LRRFIP1: variants seen among roughly 807,000 people sequenced by gnomAD.
LRRFIP1 encodes the protein leucine-rich repeat flightless-interacting protein 1.
A neutral mutation model predicts 104.4 loss-of-function variants in LRRFIP1; 62 were observed. The ratio of observed to expected loss-of-function variants is 0.59; its 90% CI spans 0.48 to 0.73. LRRFIP1 has a LOEUF of 0.73. LRRFIP1 is among the 30% of genes least tolerant of loss of function. The probability of loss-of-function intolerance (pLI) is 0.00; values close to 1 mark genes in which losing one functional copy is unlikely to be tolerated. For synonymous variants in LRRFIP1, 300 were observed against 299.0 expected (o/e 1.00, Z -0.03); for missense variants, 796 against 824.5 (o/e 0.97, Z 0.42).
chr2:237,690,982 C>T (rs1454978258), intron 1 of LRRFIP1, among the ~76,000 whole-genome samples: 8 of 151,850 alleles, frequency 5.3e-5, no homozygotes, highest in African/African-American at 1.9e-4. Context: ...CCTCCCAAGT[C>T]GTCCTTCGGC....
chr2:237,678,518 T>G (rs562417737), intron 1 of LRRFIP1, among the ~76,000 whole-genome samples: 1 of 152,098 alleles, frequency 6.6e-6, no homozygotes, highest in African/African-American at 2.4e-5. Context: ...TTTTTTTTCT[T>G]TTTTTGAGAC....
chr2:237,692,180 G>C lies in LRRFIP1; in HGVS notation c.97-16364G>C. The C allele has an allele frequency of 1.9e-6, 2 of 1,031,806 alleles. 1 individual carries two copies. Among genetic ancestry groups the C allele is most frequent in the South Asian group, 9.2e-5 (2 of 21,682 alleles). 63.9% of individuals were successfully genotyped at this position (1,031,806 alleles called of 1,614,324 possible). The stretch of plus-strand genomic sequence containing the variant: ...CGGGGCGGGCCGTGGGACGGGCGGA[G>C]GCGCCCGAGTCCCGCTTCCCCGGCG... On this transcript the variant is annotated intron_variant, in intron 1 of 23. Coordinates refer to ENST00000308482, the MANE Select transcript of LRRFIP1 (RefSeq NM_001137550.2).
intron 1 of LRRFIP1, among the ~76,000 whole-genome samples, chr2:237,663,355 G>A (rs2088440264): frequency 6.6e-6 from 1 of 152,208 alleles, no homozygotes; most frequent in South Asian, 2.1e-4. Flanking sequence ...GGAGGTGGGA[G>A]CTTTTAGGAG....
chr2:237,781,105 G>A lies in LRRFIP1; in HGVS notation c.*1573G>A, dbSNP rs886877681. Among the ~76,000 whole-genome samples, 3 of 152,140 alleles carry A rather than the reference G, an allele frequency of 2.0e-5. No homozygotes were observed. The highest frequency in any genetic ancestry group is 6.5e-5 in the Admixed American group (1 of 15,284). ...CTGTGCTGACCATGCTGGGCCCACC[G>A]GCAAAAGGGAGATATTCAGTTCCTT... On this transcript the variant is annotated 3_prime_UTR_variant, in exon 24 of 24. Transcript: ENST00000308482.
At chr2:237,773,450 A>G (rs1367770835) in intron 22 of LRRFIP1, among the ~76,000 whole-genome samples, 2 of 152,176 alleles carry the variant, frequency 1.3e-5, no homozygotes, top group African/African-American at 4.8e-5. Context: ...AAGCAGGAGA[A>G]TCGCTTGAAC....
intron 8 of LRRFIP1, 107 bp from the exon 9 acceptor site, chr2:237,733,667 A>G (rs2095113854): frequency 1.8e-6 from 2 of 1,091,184 alleles, no homozygotes; most frequent in African/African-American, 3.1e-5. Context: ...ACCACTGTAC[A>G]GCAGTTGGCT....
intron 1 of LRRFIP1, among the ~76,000 whole-genome samples, chr2:237,629,633 G>A (rs34478580): frequency 0.42 from 63,975 of 151,512 alleles, 13,796 homozygotes; most frequent in Non-Finnish European, 0.46. Flanking sequence ...CACCACACCC[G>A]GCTAATTTTT....
At chr2:237,748,472 G>T (rs1191604522) in intron 12 of LRRFIP1, 73 bp downstream of exon 12, 4 of 1,381,652 alleles carry the variant, frequency 2.9e-6, no homozygotes, top group Middle Eastern at 1.9e-4. Flanking sequence ...ATGTTGCTTG[G>T]TTTTTTTTAA....
intron 1 of LRRFIP1, among the ~76,000 whole-genome samples, chr2:237,696,022 A>G (rs544443819): frequency 2.6e-4 from 39 of 152,090 alleles, no homozygotes; most frequent in Non-Finnish European, 3.8e-4. Flanking sequence ...GTATTCCGAG[A>G]CTCATTCATT....
At chr2:237,702,759 C>G (rs1276807662) in intron 1 of LRRFIP1, among the ~76,000 whole-genome samples, 10 of 152,162 alleles carry the variant, frequency 6.6e-5, no homozygotes, top group Admixed American at 6.5e-4. Context: ...TTGAACGACT[C>G]CACATACTGG....
intron 3 of LRRFIP1, among the ~76,000 whole-genome samples, chr2:237,715,697 C>G (rs972558641): frequency 3.9e-5 from 6 of 152,238 alleles, no homozygotes; most frequent in Non-Finnish European, 7.3e-5. Context: ...TCCGGCCCAG[C>G]CAGCTGCTTT....
intron 1 of LRRFIP1, among the ~76,000 whole-genome samples, chr2:237,639,940 T>G (rs2083670709): frequency 6.6e-6 from 1 of 152,146 alleles, no homozygotes; most frequent in African/African-American, 2.4e-5. Flanking sequence ...CATTGTCAAA[T>G]GGCCCATGGG....
intron 1 of LRRFIP1, among the ~76,000 whole-genome samples, chr2:237,642,288 T>G (rs1295134568): frequency 6.6e-6 from 1 of 152,238 alleles, no homozygotes; most frequent in Non-Finnish European, 1.5e-5. Flanking sequence ...GGCCGAGGCC[T>G]GGCTTCTGTC....
rs146182664 is a variant in LRRFIP1, at chr2:237,690,239, G to A, written c.97-18305G>A. 1.2e-3 allele frequency among the ~76,000 whole-genome samples: 184 copies of A among 152,248 alleles called. 2 individuals carry two copies. Among genetic ancestry groups the A allele is most frequent in the African/African-American group, 4.3e-3 (178 of 41,540 alleles). ...CTGGGAGATGTGGTCACAGGGTTCG[G>A]GGTGTTGAGTAGCTTTAGAATCTGC... On this transcript the variant is annotated intron_variant, in intron 1 of 23. Transcript: ENST00000308482.
intron 11 of LRRFIP1, among the ~76,000 whole-genome samples, chr2:237,740,228 A>G (rs2095372936): frequency 6.6e-6 from 1 of 151,544 alleles, no homozygotes. Flanking sequence ...CAACATAGCA[A>G]GACCCCCCAT....
chr2:237,772,392 G>T, intron 21 of LRRFIP1, 194 bp downstream of exon 21: 1 of 533,056 alleles, frequency 1.9e-6, no homozygotes, highest in Non-Finnish European at 3.3e-6. Flanking sequence ...CTATGAAATA[G>T]AACAGGTACC....
At chr2:237,725,814 C>T (rs769300386) in intron 7 of LRRFIP1, among the ~76,000 whole-genome samples, 7 of 152,188 alleles carry the variant, frequency 4.6e-5, no homozygotes, top group African/African-American at 1.4e-4. Flanking sequence ...CCTTCTGCTC[C>T]GTCGCTGCAG....
chr2:237,711,457 C>G lies in LRRFIP1; in HGVS notation c.184-2802C>G, dbSNP rs2094082160. Among the ~76,000 whole-genome samples the G allele has an allele frequency of 6.6e-6, 1 of 152,216 alleles. No homozygotes were observed. Among genetic ancestry groups the G allele is most frequent in the South Asian group, 2.1e-4 (1 of 4,836 alleles). On this transcript the variant is annotated intron_variant, in intron 2 of 23. Transcript: ENST00000308482. The surrounding 1 kb of genome is among the most constrained non-coding windows in gnomAD (Gnocchi z 4.4). ...GGTCTGTGCTCTCACCAGCAGGGACCGGAGGAGGGGGTGGTGTCCCTTGCA... is the reference window on the plus strand; with the variant it reads ...GGTCTGTGCTCTCACCAGCAGGGACGGGAGGAGGGGGTGGTGTCCCTTGCA...
intron 18 of LRRFIP1, 53 bp from the exon 19 acceptor site, chr2:237,760,011 T>C (rs2059694752): frequency 6.5e-7 from 1 of 1,546,738 alleles, no homozygotes. Context: ...TAAAACAGAG[T>C]TTAACCTAAT....
Sources: gnomAD v4.1 joint callset for allele counts (sites outside exome capture counted in the v4.1 genomes callset) on GRCh38, gnomAD v4.1.1 for gene constraint, Gnocchi (gnomAD v3.1) non-coding constraint, MANE v1.5 for transcripts, NCBI Gene and HGNC (gene_info 2026-07-23, HGNC 2026-07-21) for gene names.